ARHGAP24: variants seen among roughly 807,000 people sequenced by gnomAD.
ARHGAP24 encodes rho GTPase-activating protein 24.
ARHGAP24 carries 50 observed loss-of-function variants against 76.4 expected under a neutral mutation model. That is an observed-to-expected ratio of 0.65 (90% confidence interval 0.52 to 0.83). ARHGAP24 has a LOEUF of 0.83. Ranked by LOEUF, ARHGAP24 falls within the 40% of genes least tolerant of loss-of-function variation. The pLI, the probability that ARHGAP24 is intolerant of heterozygous loss-of-function variation, is 0.00. For missense variants in ARHGAP24, 930 were observed against 914.2 expected, an observed-to-expected ratio of 1.02 and a Z score of -0.22; for synonymous variants, 345 against 323.3, an observed-to-expected ratio of 1.07 and a Z score of -0.72.
At chr4:85,919,105 C>T (rs1735578198) in intron 3 of ARHGAP24, among the ~76,000 whole-genome samples, 1 of 152,140 alleles carries the variant, frequency 6.6e-6, no homozygotes. Context: ...AAACTCTCAC[C>T]ACTCCAGTGA....
At chr4:85,622,786 A>T (rs975385074) in intron 2 of ARHGAP24, among the ~76,000 whole-genome samples, 4 of 152,148 alleles carry the variant, frequency 2.6e-5, no homozygotes, top group Admixed American at 1.3e-4. Context: ...AATGATCGCC[A>T]TTCTAACTGG....
intron 1 of ARHGAP24, among the ~76,000 whole-genome samples, chr4:85,487,753 A>G (rs1356275410): frequency 1.9e-5 from 2 of 106,090 alleles, no homozygotes; most frequent in African/African-American, 7.9e-5. Context: ...ATATATATTT[A>G]TTATATATTA....
intron 2 of ARHGAP24, among the ~76,000 whole-genome samples, chr4:85,697,155 C>T (rs192198779): frequency 2.4e-4 from 36 of 152,228 alleles, no homozygotes; most frequent in African/African-American, 7.9e-4. Context: ...TTTATGCTGT[C>T]AGCAAAATTA....
intron 2 of ARHGAP24, among the ~76,000 whole-genome samples, chr4:85,714,525 A>C (rs540662979): frequency 6.6e-6 from 1 of 152,154 alleles, no homozygotes; most frequent in East Asian, 1.9e-4. Flanking sequence ...AGTCTCATAC[A>C]ATTATTTTTG....
intron 2 of ARHGAP24, among the ~76,000 whole-genome samples, chr4:85,611,123 C>T (rs1244488433): frequency 6.6e-6 from 1 of 152,088 alleles, no homozygotes; most frequent in Non-Finnish European, 1.5e-5. Flanking sequence ...ATACACATAA[C>T]TATTTCATCT....
At chr4:85,582,356 T>A (rs966482810) in intron 2 of ARHGAP24, among the ~76,000 whole-genome samples, 8 of 152,124 alleles carry the variant, frequency 5.3e-5, no homozygotes, top group Non-Finnish European at 1.2e-4. Flanking sequence ...TAAAGAATCA[T>A]CATTTTACAT....
chr4:85,816,435 C>T (rs10029846), intron 3 of ARHGAP24, among the ~76,000 whole-genome samples: 97,131 of 151,996 alleles, frequency 0.64, 31,387 homozygotes, highest in East Asian at 0.84. Context: ...TAGCATAATG[C>T]CCCCAAGTTT....
At chr4:85,691,743 G>A (rs1723669394) in intron 2 of ARHGAP24, among the ~76,000 whole-genome samples, 1 of 152,058 alleles carries the variant, frequency 6.6e-6, no homozygotes, top group Admixed American at 6.5e-5. Context: ...TACATGTAAG[G>A]TGAACCTTTT....
chr4:85,910,292 C>G (rs1022934434), intron 3 of ARHGAP24, among the ~76,000 whole-genome samples: 1 of 152,204 alleles, frequency 6.6e-6, no homozygotes, highest in Admixed American at 6.5e-5. Flanking sequence ...GTTCTTTTCT[C>G]CTCTTTGCCT....
intron 2 of ARHGAP24, among the ~76,000 whole-genome samples, chr4:85,579,497 T>A (rs1309113622): frequency 6.6e-6 from 1 of 151,450 alleles, no homozygotes; most frequent in Non-Finnish European, 1.5e-5. Context: ...TTTTAGGTTT[T>A]TTTTTTTTTT....
chr4:85,800,706 TG>T (rs1327400514), intron 3 of ARHGAP24, among the ~76,000 whole-genome samples: 2 of 152,218 alleles, frequency 1.3e-5, no homozygotes, highest in Non-Finnish European at 2.9e-5. Context: ...CAATTTCTGC[TG>T]CATAGCAACT....
intron 3 of ARHGAP24, among the ~76,000 whole-genome samples, chr4:85,783,339 T>C (rs774745365): frequency 2.3e-4 from 35 of 152,204 alleles, no homozygotes; most frequent in Non-Finnish European, 3.8e-4. Context: ...TGGCTCCTAT[T>C]GTTGGGGACC....
intron 3 of ARHGAP24, among the ~76,000 whole-genome samples, chr4:85,828,833 C>T (rs968803969): frequency 4.6e-5 from 7 of 151,866 alleles, no homozygotes; most frequent in African/African-American, 1.5e-4. Flanking sequence ...AAAGGAGATA[C>T]TTTTTAAATA....
At chr4:85,683,777 T>A (rs1339411371) in intron 2 of ARHGAP24, among the ~76,000 whole-genome samples, 3 of 152,136 alleles carry the variant, frequency 2.0e-5, no homozygotes, top group African/African-American at 7.2e-5. Context: ...AACCCCCAGC[T>A]CCTGGCAACC....
chr4:85,886,153 A>G (rs1383030292), intron 3 of ARHGAP24, among the ~76,000 whole-genome samples: 1 of 152,180 alleles, frequency 6.6e-6, no homozygotes, highest in Non-Finnish European at 1.5e-5. Flanking sequence ...GGCCCAAGAT[A>G]ATCTTTAACA....
intron 2 of ARHGAP24, among the ~76,000 whole-genome samples, chr4:85,695,300 C>T (rs1723828093): frequency 6.6e-6 from 1 of 152,176 alleles, no homozygotes; most frequent in Non-Finnish European, 1.5e-5. Context: ...TTCATATTCT[C>T]CTAGATCATG....
intron 1 of ARHGAP24, among the ~76,000 whole-genome samples, chr4:85,570,007 A>G (rs1341990950): frequency 2.0e-5 from 3 of 152,222 alleles, no homozygotes; most frequent in Non-Finnish European, 2.9e-5. Flanking sequence ...CATTGCCTCT[A>G]GAACTTTCTC....
intron 8 of ARHGAP24, among the ~76,000 whole-genome samples, chr4:85,992,617 G>C (rs369742191): frequency 6.6e-6 from 1 of 152,126 alleles, no homozygotes; most frequent in Non-Finnish European, 1.5e-5. Flanking sequence ...GTGTGTCTGC[G>C]TGTGGGCAAA....
chr4:85,545,375 C>T (rs748929290), intron 1 of ARHGAP24, among the ~76,000 whole-genome samples: 8 of 152,202 alleles, frequency 5.3e-5, no homozygotes, highest in Non-Finnish European at 1.2e-4. Context: ...GCTGGGATTA[C>T]AGACGTGAGC....
Sources: allele counts gnomAD v4.1 joint callset (sites outside exome capture counted in the v4.1 genomes callset), GRCh38; gene constraint gnomAD v4.1.1; transcripts MANE v1.5; gene names NCBI Gene and HGNC (gene_info 2026-07-23, HGNC 2026-07-21).